Variants in CTNNA2 observed in about 807,000 individuals in gnomAD.
CTNNA2 encodes catenin alpha 2.
A neutral mutation model predicts 101.0 loss-of-function variants in CTNNA2; 42 were observed. The ratio of observed to expected loss-of-function variants is 0.42; its 90% CI spans 0.32 to 0.54. CTNNA2 has a LOEUF of 0.54. Among genes scored for constraint, CTNNA2 ranks in the 20% least tolerant of loss-of-function variants. The pLI, the probability that CTNNA2 is intolerant of heterozygous loss-of-function variation, is 0.14. For synonymous variants in CTNNA2, 450 were observed against 456.4 expected, an observed-to-expected ratio of 0.99 and a Z score of 0.18; for missense variants, 871 against 1,223.1, an observed-to-expected ratio of 0.71 and a Z score of 4.29.
chr2:79,489,967 T>G (rs78692481), intron 4 of CTNNA2, among the ~76,000 whole-genome samples: 165 of 152,268 alleles, frequency 1.1e-3, no homozygotes, highest in African/African-American at 3.8e-3. Context: ...ATTTTCAGTT[T>G]ATGCATTGAT....
chr2:79,322,466 G>A (rs956876314), intron 3 of CTNNA2, among the ~76,000 whole-genome samples: 12 of 152,124 alleles, frequency 7.9e-5, no homozygotes, highest in African/African-American at 2.2e-4. Flanking sequence ...AGTTACTTAC[G>A]GGAAAGTGGA....
At position 80,546,116 on chromosome 2, in the gene CTNNA2, C is replaced by T. The variant is rs762044342; in HGVS notation, c.1540+53C>T. 239 of 1,594,828 alleles carry T rather than the reference C, an allele frequency of 1.5e-4. 1 individual carries two copies. The highest frequency in any genetic ancestry group is 7.2e-5 in the Non-Finnish European group (84 of 1,171,230). On this transcript the variant is annotated intron_variant, in intron 11 of 18. Coordinates refer to ENST00000402739, the MANE Select transcript of CTNNA2 (RefSeq NM_001282597.3). ...AGGCAGCTGGAGGAGGGTAACTGAA[C>T]GAGATAAGGAATGTCTCGCAAATGT...
intron 7 of CTNNA2, among the ~76,000 whole-genome samples, chr2:80,386,359 G>A (rs1677001077): frequency 6.6e-6 from 1 of 152,116 alleles, no homozygotes; most frequent in Non-Finnish European, 1.5e-5. Context: ...TTTTCCAAGA[G>A]AAATGTCCTT....
intron 7 of CTNNA2, among the ~76,000 whole-genome samples, chr2:80,386,077 A>G (rs1477106451): frequency 1.3e-5 from 2 of 152,184 alleles, no homozygotes; most frequent in Admixed American, 6.5e-5. Flanking sequence ...ATATTGCTCT[A>G]CTATCGGATA....
At position 79,493,053 on chromosome 2, in the gene CTNNA2, CTT is replaced by C. The variant is rs112374811; in HGVS notation, c.-134-11997_-134-11996del. On this transcript the variant is annotated intron_variant, in intron 4 of 21. Transcript: ENST00000466387. ...ATCAACAAACTATGATTGGGAAAAA[CTT>C]TTTAAACTTCACAAGGGGCATAGAC... Among the ~76,000 whole-genome samples the C allele has an allele frequency of 4.1e-3, 627 of 152,202 alleles. 4 individuals carry two copies. Among genetic ancestry groups the C allele is most frequent in the African/African-American group, 0.014 (581 of 41,548 alleles).
intron 3 of CTNNA2, among the ~76,000 whole-genome samples, chr2:79,769,642 G>C (rs1189581484): frequency 6.6e-6 from 1 of 152,112 alleles, no homozygotes; most frequent in Non-Finnish European, 1.5e-5. Context: ...TTAAGCATTA[G>C]TTACGTTTTG....
At chr2:80,051,289 A>G (rs1696862557) in intron 7 of CTNNA2, among the ~76,000 whole-genome samples, 1 of 152,168 alleles carries the variant, frequency 6.6e-6, no homozygotes, top group Non-Finnish European at 1.5e-5. Flanking sequence ...TACGTCATTC[A>G]CATAATGGTG....
At chr2:80,100,507 C>G (rs1700475732) in intron 7 of CTNNA2, among the ~76,000 whole-genome samples, 1 of 152,186 alleles carries the variant, frequency 6.6e-6, no homozygotes, top group African/African-American at 2.4e-5. Flanking sequence ...CGTCTTCAAG[C>G]ATTTTCTATT....
intron 1 of CTNNA2, among the ~76,000 whole-genome samples, chr2:79,526,800 G>T (rs1477824467): frequency 6.6e-6 from 1 of 152,012 alleles, no homozygotes; most frequent in Non-Finnish European, 1.5e-5. Context: ...AATTTGGACC[G>T]CTTTCTCCTC....
At chr2:79,323,606 T>C (rs1223415630) in intron 3 of CTNNA2, among the ~76,000 whole-genome samples, 2 of 152,218 alleles carry the variant, frequency 1.3e-5, no homozygotes, top group African/African-American at 4.8e-5. Context: ...GTTACCTTCT[T>C]CATGTTGCCA....
chr2:80,396,370 A>C (rs17019157), intron 8 of CTNNA2, among the ~76,000 whole-genome samples: 35,540 of 152,154 alleles, frequency 0.23, 6,689 homozygotes, highest in African/African-American at 0.53. Flanking sequence ...GGGGATGATA[A>C]CTGCCAGCTT....
intron 2 of CTNNA2, among the ~76,000 whole-genome samples, chr2:79,678,610 G>T (rs1683352155): frequency 6.6e-6 from 1 of 151,712 alleles, no homozygotes; most frequent in Non-Finnish European, 1.5e-5. Flanking sequence ...GGTAGGCTGT[G>T]TCCCTGTCTG....
chr2:79,649,577 G>C (rs1681070640), intron 1 of CTNNA2, among the ~76,000 whole-genome samples: 1 of 152,164 alleles, frequency 6.6e-6, no homozygotes, highest in African/African-American at 2.4e-5. Context: ...GCATGAGAAG[G>C]TGTGTTGCCC....
chr2:79,894,022 T>TC (rs1684499148), intron 6 of CTNNA2, among the ~76,000 whole-genome samples: 1 of 142,562 alleles, frequency 7.0e-6, no homozygotes, highest in Non-Finnish European at 1.5e-5. Flanking sequence ...TTCTTCTTCT[T>TC]CTTCTTCTTC....
intron 9 of CTNNA2, among the ~76,000 whole-genome samples, chr2:80,463,579 C>T (rs1322566695): frequency 6.6e-6 from 1 of 152,128 alleles, no homozygotes; most frequent in Non-Finnish European, 1.5e-5. Flanking sequence ...TCAAAATCAA[C>T]AGTCTCCACG....
At chr2:79,298,969 A>C (rs1009817847) in intron 2 of CTNNA2, among the ~76,000 whole-genome samples, 45 of 152,334 alleles carry the variant, frequency 3.0e-4, no homozygotes, top group Admixed American at 1.3e-4. Context: ...TCCTAATTCC[A>C]TTCAGATCTC....
At chr2:79,725,954 G>T (rs1686813554) in intron 2 of CTNNA2, among the ~76,000 whole-genome samples, 1 of 152,204 alleles carries the variant, frequency 6.6e-6, no homozygotes, top group Non-Finnish European at 1.5e-5. Context: ...TTGTCCCTCT[G>T]CCAGGTGACC....
At chr2:80,396,243 G>A (rs1299333760) in intron 8 of CTNNA2, among the ~76,000 whole-genome samples, 1 of 152,162 alleles carries the variant, frequency 6.6e-6, no homozygotes, top group African/African-American at 2.4e-5. Flanking sequence ...GGACCCAAAG[G>A]TACCATTTAA....
chr2:80,336,626 T>C (rs1671786698), intron 7 of CTNNA2, among the ~76,000 whole-genome samples: 1 of 152,222 alleles, frequency 6.6e-6, no homozygotes, highest in African/African-American at 2.4e-5. Context: ...CCCTATATAG[T>C]ACTTTGAGTT....
Sources: gnomAD v4.1 joint callset for allele counts (sites outside exome capture counted in the v4.1 genomes callset) on GRCh38, gnomAD v4.1.1 for gene constraint, MANE v1.5 for transcripts, NCBI Gene and HGNC (gene_info 2026-07-23, HGNC 2026-07-21) for gene names.